The following USP13 variants were observed in gnomAD, a reference collection of about 807,000 sequenced individuals.
The protein encoded by USP13 is ubiquitin carboxyl-terminal hydrolase 13.
Under a neutral mutation model 107.8 loss-of-function variants are expected in USP13, and 68 were observed. That is an observed-to-expected ratio of 0.63 (90% confidence interval 0.52 to 0.77). The LOEUF (loss-of-function observed/expected upper bound fraction) is 0.77. USP13 is among the 30% of genes least tolerant of loss of function. USP13 has a pLI of 0.00. For synonymous variants in USP13, 377 were observed against 389.5 expected (o/e 0.97, Z 0.38); for missense variants, 945 against 1,093.3 (o/e 0.86, Z 1.91).
intron 1 of USP13, among the ~76,000 whole-genome samples, chr3:179,660,212 A>G (rs1720417992): frequency 6.6e-6 from 1 of 152,156 alleles, no homozygotes; most frequent in East Asian, 1.9e-4. Context: ...TGTGAATATC[A>G]CTACTGTCGA....
intron 12 of USP13, 105 bp from the exon 13 acceptor site, chr3:179,744,938 C>A: frequency 1.4e-6 from 2 of 1,413,078 alleles, no homozygotes; most frequent in Admixed American, 2.1e-5. Context: ...ATAAGCAACT[C>A]TGGCCCAGCG....
In USP13 at chr3:179,787,046, A is replaced by C. The variant is rs957405311; in HGVS notation, c.*2905A>C. 6.6e-6 allele frequency: 1 copy of C among 152,242 alleles called. No homozygotes were observed. The highest frequency in any genetic ancestry group is 1.5e-5 in the Non-Finnish European group (1 of 68,040). The allele number at this position is 152,242 out of a possible 1,614,324, so 9.4% of individuals were successfully genotyped here. Reference sequence around the variant, plus strand: ...TCTTTTAAAGAAAAAAAAAGTATGCAGAAAAGACTATTGGAAGAATCATGT... The same window carrying C: ...TCTTTTAAAGAAAAAAAAAGTATGCCGAAAAGACTATTGGAAGAATCATGT... On this transcript the variant is annotated 3_prime_UTR_variant, in exon 21 of 21. Coordinates refer to ENST00000263966, the MANE Select transcript of USP13 (RefSeq NM_003940.3).
intron 2 of USP13, among the ~76,000 whole-genome samples, chr3:179,687,363 A>G (rs1256892945): frequency 6.6e-6 from 1 of 152,016 alleles, no homozygotes; most frequent in African/African-American, 2.4e-5. Flanking sequence ...CATTATCCTT[A>G]AAAGGACTAG....
Position 179,752,328 on chromosome 3 carries a change from A to G in USP13, c.1753A>G (p.Ile585Val). The G allele has an allele frequency of 1.2e-6, 2 of 1,614,164 alleles. No homozygotes were observed. Among genetic ancestry groups the G allele is most frequent in the Non-Finnish European group, 8.5e-7 (1 of 1,180,012 alleles). ...ATTCCCTGAATACTTGGTAGTGCAG[A>G]TAAAGAAGTTCACTTTTGGTCTTGA... ...ASFPEYLVVQ[I>V]KKFTFGLDWV... The change falls in exon 14 of 21, where the codon ATA (isoleucine) becomes GTA (valine). Residue 585 changes from isoleucine to valine, a missense_variant. Ile to Val is a conservative substitution (Grantham distance 29, BLOSUM62 3). Transcript: ENST00000263966.
intron 18 of USP13, 125 bp from the exon 19 acceptor site, chr3:179,765,570 C>T: frequency 8.7e-7 from 1 of 1,152,936 alleles, no homozygotes; most frequent in Non-Finnish European, 1.2e-6. Flanking sequence ...TACTCAGTGG[C>T]ACTTAGGACT....
At chr3:179,680,204 A>ACAAC (rs1417485784) in intron 1 of USP13, among the ~76,000 whole-genome samples, 6 of 151,486 alleles carry the variant, frequency 4.0e-5, no homozygotes, top group Admixed American at 6.6e-5. Context: ...CAACAACAAA[A>ACAAC]AGAAAGAGAG....
intron 19 of USP13, among the ~76,000 whole-genome samples, chr3:179,767,427 G>GTTTTT (rs1491164607): frequency 6.8e-6 from 1 of 147,426 alleles, no homozygotes; most frequent in African/African-American, 2.6e-5. Flanking sequence ...AGTTTTTTTT[G>GTTTTT]GTTTTTTTTT....
At chr3:179,684,358 T>A (rs1576923438) in intron 2 of USP13, among the ~76,000 whole-genome samples, 1 of 151,796 alleles carries the variant, frequency 6.6e-6, no homozygotes, top group East Asian at 1.9e-4. Context: ...TCACCCAGGC[T>A]GGAGTGCAGT....
intron 16 of USP13, among the ~76,000 whole-genome samples, chr3:179,760,706 A>G (rs1241653863): frequency 6.6e-6 from 1 of 152,198 alleles, no homozygotes; most frequent in East Asian, 1.9e-4. Context: ...ATAGGCCTGC[A>G]GTAACTTTCT....
intron 10 of USP13, among the ~76,000 whole-genome samples, chr3:179,734,453 A>G (rs1713915696): frequency 1.3e-5 from 2 of 152,226 alleles, no homozygotes; most frequent in South Asian, 2.1e-4. Flanking sequence ...AATAAGCTGC[A>G]TTTCTTAAGC....
chr3:179,668,991 G>A (rs1435780861), intron 1 of USP13, among the ~76,000 whole-genome samples: 1 of 152,208 alleles, frequency 6.6e-6, no homozygotes, highest in Non-Finnish European at 1.5e-5. Context: ...AAGTACCTGA[G>A]AGGTTGAATT....
intron 4 of USP13, among the ~76,000 whole-genome samples, chr3:179,706,542 A>C (rs541672610): frequency 6.6e-6 from 1 of 152,320 alleles, no homozygotes; most frequent in South Asian, 2.1e-4. Flanking sequence ...TGGATATCTG[A>C]GTGTACATTT....
intron 14 of USP13, among the ~76,000 whole-genome samples, chr3:179,753,244 G>T (rs966275384): frequency 6.6e-6 from 1 of 152,250 alleles, no homozygotes; most frequent in African/African-American, 2.4e-5. Context: ...CGGCTGGAGT[G>T]ATTTCCTAGA....
chr3:179,777,711 A>G (rs1289229365), intron 19 of USP13, among the ~76,000 whole-genome samples: 1 of 151,794 alleles, frequency 6.6e-6, no homozygotes, highest in Non-Finnish European at 1.5e-5. Flanking sequence ...CTTGCCTCCC[A>G]AAGTGCTGAG....
At chr3:179,710,522 G>A (rs1372172761) in intron 6 of USP13, among the ~76,000 whole-genome samples, 1 of 152,120 alleles carries the variant, frequency 6.6e-6, no homozygotes, top group Non-Finnish European at 1.5e-5. Flanking sequence ...GACTTTTTAG[G>A]ATGAAAGCAA....
At position 179,655,570 on chromosome 3, in the gene USP13, T is replaced by TG. The variant is rs1467742789; in HGVS notation, c.168+2177_168+2178insG. Among the ~76,000 whole-genome samples the TG allele has an allele frequency of 3.0e-3, 441 of 149,394 alleles. 30 individuals carry two copies. Among genetic ancestry groups the TG allele is most frequent in the African/African-American group, 9.9e-3 (391 of 39,622 alleles). On this transcript the variant is annotated intron_variant, in intron 1 of 20. Coordinates refer to ENST00000263966, the MANE Select transcript of USP13 (RefSeq NM_003940.3). ...AAGGTTTTTTTTGTTTTGTTTTGTT[T>TG]TTTTTTTGAGTTTTGCTCTTGTTGC...
chr3:179,685,401 C>T (rs1461925979), intron 2 of USP13, among the ~76,000 whole-genome samples: 1 of 151,972 alleles, frequency 6.6e-6, no homozygotes, highest in Non-Finnish European at 1.5e-5. Context: ...CCTTAGCCTT[C>T]CTAATACAGT....
At chr3:179,760,441 G>A (rs919478572) in intron 16 of USP13, among the ~76,000 whole-genome samples, 14 of 151,814 alleles carry the variant, frequency 9.2e-5, no homozygotes, top group Non-Finnish European at 1.5e-4. Context: ...CCACCACCAC[G>A]CCCGGCTAAT....
At chr3:179,752,482 T>A in intron 14 of USP13, 109 bp downstream of exon 14, 1 of 803,186 alleles carries the variant, frequency 1.2e-6, no homozygotes. Flanking sequence ...TCCATTTCAT[T>A]CCATCATTCT....
Sources: gnomAD v4.1 joint callset for allele counts (sites outside exome capture counted in the v4.1 genomes callset) on GRCh38, gnomAD v4.1.1 for gene constraint, MANE v1.5 for transcripts, NCBI Gene and HGNC (gene_info 2026-07-23, HGNC 2026-07-21) for gene names.